CCDC154: variants seen among roughly 807,000 people sequenced by gnomAD.
CCDC154 encodes coiled-coil domain containing 154, also known as coiled-coil domain-containing protein 154.
In CCDC154, 91 loss-of-function variants were observed where a neutral mutation model predicts 87.5. That is an observed-to-expected ratio of 1.04 (90% confidence interval 0.88 to 1.24). The LOEUF (loss-of-function observed/expected upper bound fraction) is 1.24, where lower values mean the gene tolerates loss of function less well. CCDC154 is among the 50% of genes most tolerant of loss of function. The pLI is 0.00. For missense variants in CCDC154, 903 were observed against 879.2 expected, an observed-to-expected ratio of 1.03 and a Z score of -0.34; for synonymous variants, 418 against 400.4, an observed-to-expected ratio of 1.04 and a Z score of -0.52.
In CCDC154 at chr16:1,442,963, G is replaced by C; in HGVS notation, c.468C>G (p.Val156=). 1 of 1,550,036 alleles carries C rather than the reference G, an allele frequency of 6.5e-7. No homozygotes were observed. Among genetic ancestry groups the C allele is most frequent in the Non-Finnish European group, 8.7e-7 (1 of 1,146,842 alleles). Residue 156 remains valine, a synonymous_variant, in exon 5 of 17, where the codon GTC becomes GTG. Transcript: ENST00000389176. The stretch of plus-strand genomic sequence containing the variant: ...TCCTGAGCCGGGTCAAGGCTTCCCG[G>C]ACCTCCACCAGCCTGGGACACAACA... ...MQALDKRLVE[V]REALTRLRRR... is the part of the protein sequence containing the mutation.
chr16:1,443,765 C>CT, intron 2 of CCDC154, 31 bp downstream of exon 2: 5 of 1,304,336 alleles, frequency 3.8e-6, no homozygotes, highest in Non-Finnish European at 5.0e-6. Flanking sequence ...CGACGTGGTC[C>CT]TCCCCCGCCA....
In CCDC154 at chr16:1,438,082, C is replaced by T. The variant is rs1318365454; in HGVS notation, c.1120G>A (p.Ala374Thr). Reference protein sequence around the residue: ...LEAAQLAGELARQEMHGELVL... With the variant: ...LEAAQLAGELTRQEMHGELVL... Reference sequence around the variant, plus strand: ...AGCTCTCCATGCATCTCCTGCCGGGCCAGCTCGCCAGCCAGCTGTGCGGCC... The same window carrying T: ...AGCTCTCCATGCATCTCCTGCCGGGTCAGCTCGCCAGCCAGCTGTGCGGCC... The change falls in exon 10 of 17, where the codon GCC becomes ACC. Residue 374 changes from alanine to threonine, a missense_variant. Physicochemically the swap from Ala to Thr is moderately conservative, Grantham distance 58 (BLOSUM62 0). Coordinates refer to ENST00000389176, the MANE Select transcript of CCDC154 (RefSeq NM_001143980.3). 3.3e-5 allele frequency: 51 copies of T among 1,548,454 alleles called. No individual in the cohort carries two copies. The highest frequency in any genetic ancestry group is 4.1e-5 in the Non-Finnish European group (47 of 1,145,986).
intron 6 of CCDC154, 118 bp from the exon 7 acceptor site, chr16:1,439,244 G>C (rs1051988469): frequency 3.4e-6 from 3 of 894,322 alleles, no homozygotes; most frequent in African/African-American, 1.7e-5. Context: ...CCCTGAGCCC[G>C]GCTGAGCTGG....
chr16:1,438,718 T>C lies in CCDC154; in HGVS notation c.926A>G (p.Gln309Arg). 1 of 1,549,880 alleles carries C rather than the reference T, an allele frequency of 6.5e-7. No individual in the cohort carries two copies. The highest frequency in any genetic ancestry group is 8.7e-7 in the Non-Finnish European group (1 of 1,146,678). ...GQHEESHLLE[Q>R]CQGLDAAVAQ... ...CACGGCAGCATCCAGGCCCTGGCAC[T>C]GCTCCAGGAGGTGGCTCTCCTGCCA... Residue 309 changes from glutamine to arginine, a missense_variant, in exon 9 of 17, where the codon CAG (glutamine) becomes CGG (arginine). Physicochemically the swap from Gln to Arg is conservative, Grantham distance 43 (BLOSUM62 1). Transcript: ENST00000389176.
Position 1,435,146 on chromosome 16 carries a change from G to A in CCDC154, c.1635C>T (p.Asn545=). Reference sequence around the variant, plus strand: ...GGATGGTCTTGTTGGCCTGGACGCAGTTTTCCAGCTTCATTATTTGGTTCT... The same window carrying A: ...GGATGGTCTTGTTGGCCTGGACGCAATTTTCCAGCTTCATTATTTGGTTCT... ...TFQNQIMKLE[N]CVQANKTIQN... The change falls in exon 15 of 17, where the codon AAC becomes AAT. Residue 545 remains asparagine (N), a synonymous_variant. Transcript: ENST00000389176. 6.4e-7 allele frequency: 1 copy of A among 1,550,540 alleles called. No homozygotes were observed.
In CCDC154 at chr16:1,442,995, T is replaced by C; in HGVS notation, c.456-20A>G. The C allele has an allele frequency of 6.5e-7, 1 of 1,549,594 alleles. No homozygotes were observed. The highest frequency in any genetic ancestry group is 8.7e-7 in the Non-Finnish European group (1 of 1,146,542). Reference sequence around the variant, plus strand: ...ACCAGCCTGGGACACAACAAGCCATTCCCGAGAGGCCCAGGCGGGCTGAGC... The same window carrying C: ...ACCAGCCTGGGACACAACAAGCCATCCCCGAGAGGCCCAGGCGGGCTGAGC... On this transcript the variant is annotated intron_variant, in intron 4 of 16. Transcript: ENST00000389176.
Position 1,437,972 on chromosome 16 carries a change from G to A in CCDC154, c.1153-18C>T, listed in dbSNP as rs556590058. On this transcript the variant is annotated intron_variant, in intron 10 of 16. Transcript: ENST00000389176. ...TCTCGGAGCTGCAGGGGACAGGTGG[G>A]CACGGGGAGGCCTGGCTGAGCGCCC... 2 of 1,541,928 alleles carry A rather than the reference G, an allele frequency of 1.3e-6. No individual in the cohort carries two copies. The highest frequency in any genetic ancestry group is 1.4e-5 in the African/African-American group (1 of 73,016).
chr16:1,436,385 G>T, intron 13 of CCDC154, 60 bp downstream of exon 13: 2 of 1,381,310 alleles, frequency 1.4e-6, no homozygotes, highest in Non-Finnish European at 2.0e-6. Flanking sequence ...GTGGGGACCG[G>T]CCCAGCCCAG....
At position 1,438,109 on chromosome 16, in the gene CCDC154, C is replaced by T. The variant is rs1258394759; in HGVS notation, c.1093G>A (p.Glu365Lys). 1.3e-6 allele frequency: 2 copies of T among 1,548,886 alleles called. No homozygotes were observed. The highest frequency in any genetic ancestry group is 2.7e-5 in the African/African-American group (2 of 73,016). ...ELAAYVQENLEAAQLAGELAR... is the reference protein window; with the variant it reads ...ELAAYVQENLKAAQLAGELAR... ...AGCTCGCCAGCCAGCTGTGCGGCCT[C>T]CAGGTTCTCCTGCACATAGGCGGCC... is the stretch of plus-strand genomic sequence containing the variant. The change falls in exon 10 of 17, where the codon GAG (glutamate) becomes AAG (lysine). Residue 365 changes from glutamate to lysine, a missense_variant. Transcript: ENST00000389176.
intron 14 of CCDC154, 56 bp from the exon 15 acceptor site, chr16:1,435,231 TC>T: frequency 6.9e-7 from 1 of 1,452,552 alleles, no homozygotes; most frequent in Non-Finnish European, 9.5e-7. Context: ...CATCCTGCTG[TC>T]CCCACAGGCA....
intron 13 of CCDC154, 102 bp downstream of exon 13, chr16:1,436,343 T>A (rs987301360): frequency 9.1e-7 from 1 of 1,101,514 alleles, no homozygotes. Flanking sequence ...GGAACAGGTC[T>A]GTCACGATAC....
At position 1,443,594 on chromosome 16, in the gene CCDC154, G is replaced by A. The variant is rs2038578418; in HGVS notation, c.326C>T (p.Ala109Val). The A allele has an allele frequency of 2.8e-6, 4 of 1,451,638 alleles. No individual in the cohort carries two copies. Among genetic ancestry groups the A allele is most frequent in the Middle Eastern group, 2.4e-4 (1 of 4,168 alleles). The allele number at this position is 1,451,638 out of a possible 1,614,324, so 89.9% of individuals were successfully genotyped here. Reference protein sequence around the residue: ...SLLRELLQVRARVQLQGSELR... With the variant: ...SLLRELLQVRVRVQLQGSELR... ...CTCTGAGCCCTGCAGCTGCACGCGGGCCCGCACCTGGAGCAGCTCCCGCAG... is the reference window on the plus strand; with the variant it reads ...CTCTGAGCCCTGCAGCTGCACGCGGACCCGCACCTGGAGCAGCTCCCGCAG... Residue 109 changes from alanine to valine, a missense_variant, in exon 3 of 17, where the codon GCC (alanine) becomes GTC (valine). By Grantham distance (64) the Ala-to-Val change is moderately conservative (BLOSUM62 0). Coordinates refer to ENST00000389176, the MANE Select transcript of CCDC154 (RefSeq NM_001143980.3).
intron 6 of CCDC154, chr16:1,439,361 G>A: frequency 1.8e-6 from 1 of 569,488 alleles, no homozygotes; most frequent in Non-Finnish European, 3.1e-6. Flanking sequence ...CCACGCTCAG[G>A]TGGGGTCCAG....
At chr16:1,438,273 C>A in intron 9 of CCDC154, 97 bp from the exon 10 acceptor site, 1 of 1,387,704 alleles carries the variant, frequency 7.2e-7, no homozygotes, top group South Asian at 1.5e-5. Context: ...CCAGAACCTC[C>A]CAGGAGACCC....
chr16:1,436,774 A>G lies in CCDC154; in HGVS notation c.1328T>C (p.Leu443Pro), dbSNP rs1238184613. Residue 443 changes from leucine to proline, a missense_variant, in exon 12 of 17, where the codon CTG (leucine) becomes CCG (proline). Transcript: ENST00000389176. ...TEWEGAERKS[L>P]EDLARWRKEV... ...CTTCCGCCACCTGGCCAGGTCCTCCAGGGACTTCCTCTCTGCACCTTCCCA... is the reference window on the plus strand; with the variant it reads ...CTTCCGCCACCTGGCCAGGTCCTCCGGGGACTTCCTCTCTGCACCTTCCCA... 1.3e-6 allele frequency: 2 copies of G among 1,550,566 alleles called. No individual in the cohort carries two copies. Among genetic ancestry groups the G allele is most frequent in the Non-Finnish European group, 1.7e-6 (2 of 1,146,962 alleles).
Position 1,434,548 on chromosome 16 carries a change from C to G in CCDC154, c.1878-14G>C. 1.3e-6 allele frequency: 2 copies of G among 1,538,736 alleles called. No individual in the cohort carries two copies. The highest frequency in any genetic ancestry group is 8.8e-7 in the Non-Finnish European group (1 of 1,142,338). ...CAGCGCAGCCACCTGTCCAGAGATG[C>G]GGCACATGGCCCCTGCACCCCCGCC... On this transcript the variant is annotated splice_polypyrimidine_tract_variant and intron_variant, in intron 16 of 16. Transcript: ENST00000389176.
intron 4 of CCDC154, 59 bp from the exon 5 acceptor site, chr16:1,443,034 T>TG: frequency 6.5e-7 from 1 of 1,536,140 alleles, no homozygotes; most frequent in Non-Finnish European, 8.8e-7. Flanking sequence ...CTCGGCGGGC[T>TG]GGGGGTCTGG....
rs2038575394 is a variant in CCDC154, at chr16:1,443,438, C to T, written c.414+68G>A. 3 of 1,431,038 alleles carry T rather than the reference C, an allele frequency of 2.1e-6. No homozygotes were observed. The South Asian group carries it at 4.4e-5, about 21-fold the overall frequency. The allele number at this position is 1,431,038 out of a possible 1,614,324, so 88.6% of individuals were successfully genotyped here. On this transcript the variant is annotated intron_variant, in intron 3 of 16. Coordinates refer to ENST00000389176, the MANE Select transcript of CCDC154 (RefSeq NM_001143980.3). Reference sequence around the variant, plus strand: ...CAGCAGGGGTGAGCTGGGCTCCAGGCCCAGAAGCAGCTGCCCCCAACACCC... The same window carrying T: ...CAGCAGGGGTGAGCTGGGCTCCAGGTCCAGAAGCAGCTGCCCCCAACACCC...
chr16:1,438,647 G>A lies in CCDC154; in HGVS notation c.997C>T (p.Arg333Cys), dbSNP rs367946151. The A allele has an allele frequency of 1.3e-5, 20 of 1,549,982 alleles. No individual in the cohort carries two copies. Among genetic ancestry groups the A allele is most frequent in the East Asian group, 1.2e-4 (5 of 40,916 alleles). ...FVQQNQASLN[R>C]VLLAEEKAWD... ...GCTTTCTCCTCGGCCAGTAGGACACGGTTCAGCGACGCCTGGTTCTGCTGC... is the reference window on the plus strand; with the variant it reads ...GCTTTCTCCTCGGCCAGTAGGACACAGTTCAGCGACGCCTGGTTCTGCTGC... The change falls in exon 9 of 17, where the codon CGT (arginine) becomes TGT (cysteine). Residue 333 changes from arginine (R) to cysteine (C), a missense_variant. Transcript: ENST00000389176.
Sources: allele counts gnomAD v4.1 joint callset, GRCh38; gene constraint gnomAD v4.1.1; transcripts MANE v1.5; gene names NCBI Gene and HGNC (gene_info 2026-07-23, HGNC 2026-07-21).